Variants in PRKG1 observed in about 807,000 individuals in gnomAD.
PRKG1 encodes the protein cGMP-dependent protein kinase 1.
Under a neutral mutation model 88.1 loss-of-function variants are expected in PRKG1, and 35 were observed. The observed-to-expected ratio is 0.40, with a 90% CI of 0.30 to 0.53. The LOEUF (loss-of-function observed/expected upper bound fraction) is 0.53, where lower values mean the gene tolerates loss of function less well. Among genes scored for constraint, PRKG1 ranks in the 20% least tolerant of loss-of-function variants. The probability of loss-of-function intolerance (pLI) is 0.59; values close to 1 mark genes in which losing one functional copy is unlikely to be tolerated. For missense variants in PRKG1, 540 were observed against 839.8 expected (o/e 0.64, Z 4.41); for synonymous variants, 303 against 292.5 (o/e 1.04, Z -0.37).
At chr10:52,138,727 A>G (rs950229538) in intron 8 of PRKG1, among the ~76,000 whole-genome samples, 2 of 152,058 alleles carry the variant, frequency 1.3e-5, no homozygotes, top group Non-Finnish European at 2.9e-5. Context: ...AAAATTATGA[A>G]ATTAGGAGGA....
At chr10:51,636,336 A>G (rs1164089081) in intron 3 of PRKG1, among the ~76,000 whole-genome samples, 1 of 152,232 alleles carries the variant, frequency 6.6e-6, no homozygotes, top group Non-Finnish European at 1.5e-5. Context: ...TTGATTCTCC[A>G]TAATCAATTC....
chr10:51,130,018 C>A (rs1200268010), intron 1 of PRKG1, among the ~76,000 whole-genome samples: 1 of 152,078 alleles, frequency 6.6e-6, no homozygotes, highest in East Asian at 1.9e-4. Flanking sequence ...CTGAGGTGGA[C>A]CTTCAAGCAT....
intron 1 of PRKG1, among the ~76,000 whole-genome samples, chr10:51,006,449 A>G (rs1213461293): frequency 6.6e-6 from 1 of 152,212 alleles, no homozygotes; most frequent in Non-Finnish European, 1.5e-5. Context: ...CATTGTTATC[A>G]TTTATTGATT....
At chr10:51,499,094 G>A (rs543902562) in intron 3 of PRKG1, among the ~76,000 whole-genome samples, 2 of 152,260 alleles carry the variant, frequency 1.3e-5, no homozygotes, top group East Asian at 3.9e-4. Flanking sequence ...ACTTTTTCAG[G>A]TAAGGAGGCT....
intron 3 of PRKG1, among the ~76,000 whole-genome samples, chr10:51,670,746 AAATAAATAAAT>A (rs1564599505): frequency 0.05 from 4,792 of 95,842 alleles, 167 homozygotes; most frequent in Admixed American, 0.064. Flanking sequence ...AAAAAAAAAT[AAATAAATAAAT>A]AAATAAATAA....
chr10:52,228,341 C>T (rs1011463363), intron 9 of PRKG1, among the ~76,000 whole-genome samples: 4 of 151,532 alleles, frequency 2.6e-5, no homozygotes, highest in African/African-American at 4.9e-5. Context: ...TAAGCCACTG[C>T]GTTGCTGGTC....
intron 4 of PRKG1, among the ~76,000 whole-genome samples, chr10:51,858,853 G>A (rs753284004): frequency 2.6e-5 from 4 of 152,018 alleles, no homozygotes; most frequent in Admixed American, 6.6e-5. Context: ...TCCCTGAATC[G>A]CTAATTCTAA....
chr10:51,569,353 T>A (rs537663644), intron 3 of PRKG1, among the ~76,000 whole-genome samples: 12 of 152,166 alleles, frequency 7.9e-5, no homozygotes, highest in African/African-American at 2.9e-4. Context: ...TGTCTTAGCT[T>A]CTTAAGACAT....
At chr10:52,083,782 T>C (rs1272109254) in intron 7 of PRKG1, among the ~76,000 whole-genome samples, 1 of 152,076 alleles carries the variant, frequency 6.6e-6, no homozygotes, top group Non-Finnish European at 1.5e-5. Flanking sequence ...AAATTAGATG[T>C]AGATTTATTT....
intron 3 of PRKG1, among the ~76,000 whole-genome samples, chr10:51,778,348 T>A: frequency 6.6e-6 from 1 of 152,120 alleles, no homozygotes; most frequent in Non-Finnish European, 1.5e-5. Context: ...ACTGACTAAT[T>A]GGCAAATTAT....
rs191740162 is a variant in PRKG1 at position 51,219,481 on chromosome 10, G to T, written c.478+66151G>T. On this transcript the variant is annotated intron_variant, in intron 2 of 17. Transcript: ENST00000373980. ...TCCCAGCACTTCGGGAGGCTGTGGC[G>T]GGTGGATCACAAGGTCAGGGGTTTG... is the stretch of plus-strand genomic sequence containing the variant. 4.0e-3 allele frequency among the ~76,000 whole-genome samples: 604 copies of T among 152,066 alleles called. 4 individuals carry two copies. Among genetic ancestry groups the T allele is most frequent in the African/African-American group, 0.014 (579 of 41,482 alleles).
chr10:51,950,853 A>G (rs530796646), intron 5 of PRKG1, among the ~76,000 whole-genome samples: 3 of 152,332 alleles, frequency 2.0e-5, no homozygotes, highest in African/African-American at 7.2e-5. Flanking sequence ...GAATGAGGTT[A>G]TGCTGACAAT....
intron 2 of PRKG1, among the ~76,000 whole-genome samples, chr10:51,173,019 C>T (rs1387998441): frequency 6.6e-6 from 1 of 151,990 alleles, no homozygotes; most frequent in Non-Finnish European, 1.5e-5. Flanking sequence ...GCCAAATATA[C>T]TTCTTGACAC....
At chr10:51,580,288 C>T (rs1011206556) in intron 3 of PRKG1, among the ~76,000 whole-genome samples, 1 of 152,028 alleles carries the variant, frequency 6.6e-6, no homozygotes, top group Admixed American at 6.6e-5. Context: ...TTGATCTTTA[C>T]TTATTGTTAA....
At chr10:52,203,559 G>A (rs1398157963) in intron 9 of PRKG1, among the ~76,000 whole-genome samples, 3 of 152,124 alleles carry the variant, frequency 2.0e-5, no homozygotes, top group African/African-American at 7.2e-5. Flanking sequence ...TTGAGTTCAG[G>A]TCCCGAATAT....
At chr10:51,668,364 A>G (rs1473443011) in intron 3 of PRKG1, among the ~76,000 whole-genome samples, 2 of 152,178 alleles carry the variant, frequency 1.3e-5, no homozygotes, top group Non-Finnish European at 2.9e-5. Context: ...TTGACTCCAT[A>G]GAAATTATAA....
At chr10:52,027,699 A>T (rs1366266973) in intron 5 of PRKG1, among the ~76,000 whole-genome samples, 3 of 152,218 alleles carry the variant, frequency 2.0e-5, no homozygotes, top group Admixed American at 2.0e-4. Context: ...TGGTTAATTA[A>T]AATGGTTTAA....
intron 3 of PRKG1, among the ~76,000 whole-genome samples, chr10:51,642,406 C>T (rs915536373): frequency 6.6e-6 from 1 of 152,042 alleles, no homozygotes; most frequent in Non-Finnish European, 1.5e-5. Flanking sequence ...TAAAATAAAA[C>T]TGAATACTTA....
chr10:51,327,651 A>G (rs1841627168), intron 2 of PRKG1, among the ~76,000 whole-genome samples: 1 of 152,186 alleles, frequency 6.6e-6, no homozygotes, highest in African/African-American at 2.4e-5. Flanking sequence ...TACACACCTA[A>G]GGTATGCAAT....
Sources: gnomAD v4.1 joint callset for allele counts (sites outside exome capture counted in the v4.1 genomes callset) on GRCh38, gnomAD v4.1.1 for gene constraint, MANE v1.5 for transcripts, NCBI Gene and HGNC (gene_info 2026-07-23, HGNC 2026-07-21) for gene names.